SORCS1: variants seen among roughly 807,000 people sequenced by gnomAD.
The protein encoded by SORCS1 is VPS10 domain-containing receptor SorCS1.
In SORCS1, 60 loss-of-function variants were observed where a neutral mutation model predicts 146.1. The ratio of observed to expected loss-of-function variants is 0.41; its 90% CI spans 0.33 to 0.51. SORCS1 has a LOEUF of 0.51. Ranked by LOEUF, SORCS1 falls within the 20% of genes least tolerant of loss-of-function variation. SORCS1 has a pLI of 0.21. For missense variants in SORCS1, 1,352 were observed against 1,487.6 expected (o/e 0.91, Z 1.50); for synonymous variants, 637 against 584.0 (o/e 1.09, Z -1.31).
chr10:106,968,087 G>T (rs893514106), intron 1 of SORCS1, among the ~76,000 whole-genome samples: 9 of 151,826 alleles, frequency 5.9e-5, no homozygotes, highest in Non-Finnish European at 4.4e-5. Flanking sequence ...GCGGGTGCCT[G>T]TAGTCCCAGT....
At position 106,699,204 on chromosome 10, in the gene SORCS1, C is replaced by T. The variant is rs770388999; in HGVS notation, c.1413+10G>A. ...CTGTGGCTTAGGACCACATATGCCT[C>T]GTGACATACCTCATAGAGGTCGATC... On this transcript the variant is annotated intron_variant, in intron 9 of 25. Coordinates refer to ENST00000263054, the MANE Select transcript of SORCS1 (RefSeq NM_052918.5). The T allele has an allele frequency of 5.6e-6, 9 of 1,602,222 alleles. No individual in the cohort carries two copies. The highest frequency in any genetic ancestry group is 2.3e-5 in the South Asian group (2 of 88,626).
chr10:106,998,884 C>A (rs1957102984), intron 1 of SORCS1, among the ~76,000 whole-genome samples: 1 of 152,190 alleles, frequency 6.6e-6, no homozygotes, highest in Non-Finnish European at 1.5e-5. Context: ...AATCAGACTG[C>A]AAAGACAAGA....
chr10:106,728,460 T>A (rs557266274), intron 6 of SORCS1, among the ~76,000 whole-genome samples: 1 of 152,166 alleles, frequency 6.6e-6, no homozygotes, highest in African/African-American at 2.4e-5. Flanking sequence ...TCAGGCACAG[T>A]GCTGGGCATG....
At chr10:106,980,612 C>G (rs189678000) in intron 1 of SORCS1, among the ~76,000 whole-genome samples, 8 of 152,348 alleles carry the variant, frequency 5.3e-5, no homozygotes, top group Non-Finnish European at 1.2e-4. Context: ...AATTTTTCTG[C>G]CACTCACCAT....
chr10:106,584,774 C>G (rs1412288165), intron 24 of SORCS1, among the ~76,000 whole-genome samples: 1 of 152,146 alleles, frequency 6.6e-6, no homozygotes, highest in Admixed American at 6.5e-5. Context: ...AGCATTGTTT[C>G]TGAATTTAAA....
chr10:107,084,262 A>AT (rs11342875), intron 1 of SORCS1, among the ~76,000 whole-genome samples: 2,173 of 133,316 alleles, frequency 0.016, 29 homozygotes, highest in East Asian at 0.021. Flanking sequence ...TACCCGGCTA[A>AT]TTTTTTTTTT....
intron 22 of SORCS1, among the ~76,000 whole-genome samples, chr10:106,608,831 T>A (rs983614317): frequency 5.3e-5 from 8 of 152,166 alleles, no homozygotes; most frequent in Non-Finnish European, 1.2e-4. Flanking sequence ...TGTAGGCCCA[T>A]GACAACTTCA....
chr10:107,065,570 T>C (rs1378149906), intron 1 of SORCS1, among the ~76,000 whole-genome samples: 2 of 149,484 alleles, frequency 1.3e-5, no homozygotes, highest in Non-Finnish European at 1.5e-5. Flanking sequence ...CAGGCTAGAG[T>C]GCAGTGGCGT....
intron 21 of SORCS1, among the ~76,000 whole-genome samples, chr10:106,617,207 G>A (rs1011704507): frequency 3.3e-5 from 5 of 151,816 alleles, no homozygotes; most frequent in Non-Finnish European, 5.9e-5. Context: ...CACCCGCCTC[G>A]GCCTCCCAGT....
intron 1 of SORCS1, among the ~76,000 whole-genome samples, chr10:107,035,394 T>C (rs534643923): frequency 6.6e-6 from 1 of 152,200 alleles, no homozygotes; most frequent in South Asian, 2.1e-4. Flanking sequence ...TCCCATTACA[T>C]GATTAAATGA....
At chr10:107,069,348 T>C (rs764698099) in intron 1 of SORCS1, among the ~76,000 whole-genome samples, 10 of 152,152 alleles carry the variant, frequency 6.6e-5, no homozygotes, top group Non-Finnish European at 1.3e-4. Flanking sequence ...AAAAATCACA[T>C]GCCTATTTTC....
intron 1 of SORCS1, among the ~76,000 whole-genome samples, chr10:107,121,055 A>C (rs1455473026): frequency 6.6e-6 from 1 of 152,192 alleles, no homozygotes; most frequent in Non-Finnish European, 1.5e-5. Flanking sequence ...CACAGTGAAA[A>C]TCACAGGTGT....
In SORCS1 at chr10:106,704,832, T is replaced by C. The variant is rs529153713; in HGVS notation, c.1233+1713A>G. ...TCATTACATTGAGGATAATTCTTTT[T>C]TTAAGGTGCAAATCCTGCAAGTCAA... On this transcript the variant is annotated intron_variant, in intron 8 of 25. Coordinates refer to ENST00000263054, the MANE Select transcript of SORCS1 (RefSeq NM_052918.5). Among the ~76,000 whole-genome samples the C allele has an allele frequency of 9.8e-5, 15 of 152,346 alleles. No individual in the cohort carries two copies. The East Asian group carries it at 2.7e-3, about 27-fold the overall frequency.
intron 6 of SORCS1, among the ~76,000 whole-genome samples, chr10:106,715,009 G>A (rs1855263484): frequency 6.6e-6 from 1 of 152,184 alleles, no homozygotes; most frequent in Non-Finnish European, 1.5e-5. Flanking sequence ...AAGGGGAAAT[G>A]AACCATCTTG....
At chr10:106,862,905 T>G (rs776824547) in intron 2 of SORCS1, among the ~76,000 whole-genome samples, 18 of 152,240 alleles carry the variant, frequency 1.2e-4, no homozygotes, top group Admixed American at 5.2e-4. Context: ...AGAATCCAGG[T>G]TTTCTGATTC....
intron 2 of SORCS1, among the ~76,000 whole-genome samples, chr10:106,934,286 C>T (rs568039929): frequency 4.0e-5 from 6 of 151,544 alleles, no homozygotes; most frequent in African/African-American, 7.3e-5. Context: ...TAGATGGAGT[C>T]GCGCACTGTC....
At chr10:106,925,492 T>C (rs11193109) in intron 2 of SORCS1, among the ~76,000 whole-genome samples, 79,482 of 151,984 alleles carry the variant, frequency 0.52, 22,387 homozygotes, top group Non-Finnish European at 0.63. Context: ...CTCCTGATGG[T>C]CTCAAGCTTG....
At chr10:107,113,232 T>C (rs1965809260) in intron 1 of SORCS1, among the ~76,000 whole-genome samples, 1 of 151,976 alleles carries the variant, frequency 6.6e-6, no homozygotes, top group Non-Finnish European at 1.5e-5. Flanking sequence ...TATGTGGAAA[T>C]TAAACAACAT....
intron 1 of SORCS1, among the ~76,000 whole-genome samples, chr10:107,121,050 T>C (rs1289449329): frequency 6.6e-6 from 1 of 152,214 alleles, no homozygotes; most frequent in Non-Finnish European, 1.5e-5. Context: ...CATGGCACAG[T>C]GAAAATCACA....
Sources: gnomAD v4.1 joint callset for allele counts (sites outside exome capture counted in the v4.1 genomes callset) on GRCh38, gnomAD v4.1.1 for gene constraint, MANE v1.5 for transcripts, NCBI Gene and HGNC (gene_info 2026-07-23, HGNC 2026-07-21) for gene names.